EXOSC4: variants seen among roughly 807,000 people sequenced by gnomAD.
The protein encoded by EXOSC4 is exosome component 4.
EXOSC4 carries 14 observed loss-of-function variants against 20.0 expected under a neutral mutation model. That is an observed-to-expected ratio of 0.70 (90% CI 0.46 to 1.09). The LOEUF is 1.09. Among genes scored for constraint, EXOSC4 ranks in the 50% least tolerant of loss-of-function variants. The pLI is 0.00. For synonymous variants in EXOSC4, 148 were observed against 146.4 expected (o/e 1.01, Z -0.08); for missense variants, 337 against 334.0 (o/e 1.01, Z -0.07).
At chr8:144,067,473 T>C in the EXOSC4 span, among the ~76,000 whole-genome samples, 1 of 152,106 alleles carries the variant, frequency 6.6e-6, no homozygotes, top group Non-Finnish European at 1.5e-5. Context: ...AGTTGACATA[T>C]CATGGTAAAA....
chr8:144,065,831 T>TG, the EXOSC4 span, among the ~76,000 whole-genome samples: 1 of 149,688 alleles, frequency 6.7e-6, no homozygotes, highest in Non-Finnish European at 1.5e-5. Flanking sequence ...TTTTTTGAGA[T>TG]GGGGTCTCAC....
chr8:144,079,119 T>C (rs2129921964), intron 1 of EXOSC4: 2 of 451,636 alleles, frequency 4.4e-6, no homozygotes, highest in East Asian at 7.5e-5. Context: ...CCCTCCTTCC[T>C]CTTTGCGGCT....
upstream of EXOSC4, among the ~76,000 whole-genome samples, chr8:144,074,779 G>A (rs1221092826): frequency 6.6e-6 from 1 of 151,860 alleles, no homozygotes; most frequent in Non-Finnish European, 1.5e-5. Flanking sequence ...TCACTATGTT[G>A]CCCAGGCTGG....
chr8:144,078,826 C>T lies in EXOSC4; in HGVS notation c.98C>T (p.Ala33Val), dbSNP rs1554763077. 6.3e-7 allele frequency: 1 copy of T among 1,580,114 alleles called. No homozygotes were observed. Among genetic ancestry groups the T allele is most frequent in the African/African-American group, 1.4e-5 (1 of 72,084 alleles). The change falls in exon 1 of 3, where the codon GCG (alanine) becomes GTG (valine). Residue 33 changes from alanine (A) to valine (V), a missense_variant. Ala to Val is a moderately conservative substitution (Grantham distance 64, BLOSUM62 0). Coordinates refer to ENST00000316052, the MANE Select transcript of EXOSC4 (RefSeq NM_019037.3). This position sits in a 1 kb window ranked among gnomAD's most constrained non-coding sequence, Gnocchi z 4.7. ...RKIQARMGVF[A>V]QADGSAYIEQ... Reference sequence around the variant, plus strand: ...ATCCAGGCGCGGATGGGCGTGTTCGCGCAGGCTGACGGCTCGGCCTACATT... The same window carrying T: ...ATCCAGGCGCGGATGGGCGTGTTCGTGCAGGCTGACGGCTCGGCCTACATT...
At chr8:144,069,089 G>C in the EXOSC4 span, among the ~76,000 whole-genome samples, 21 of 152,246 alleles carry the variant, frequency 1.4e-4, no homozygotes, top group Non-Finnish European at 2.6e-4. Context: ...GAAACTGATA[G>C]CAGCAAATGA....
At chr8:144,074,136 G>A (rs143478206), upstream of EXOSC4, among the ~76,000 whole-genome samples, 115 of 152,290 alleles carry the variant, frequency 7.6e-4, no homozygotes, top group African/African-American at 2.3e-3. Flanking sequence ...GCCCCTTCCC[G>A]GCTTGGGCCC....
the EXOSC4 span, among the ~76,000 whole-genome samples, chr8:144,066,014 C>T: frequency 3.4e-5 from 5 of 145,338 alleles, no homozygotes; most frequent in African/African-American, 7.7e-5. Context: ...AACAGGGTCT[C>T]GCTATGTTTT....
the EXOSC4 span, among the ~76,000 whole-genome samples, chr8:144,072,447 C>G: frequency 1.3e-5 from 2 of 152,308 alleles, no homozygotes; most frequent in African/African-American, 4.8e-5. Context: ...TCCCAAAGTG[C>G]TTGGATTACA....
At chr8:144,066,856 G>A in the EXOSC4 span, among the ~76,000 whole-genome samples, 2 of 152,062 alleles carry the variant, frequency 1.3e-5, no homozygotes, top group African/African-American at 4.8e-5. Flanking sequence ...GGGAAGCCGA[G>A]GCGGGCGGAT....
the EXOSC4 span, among the ~76,000 whole-genome samples, chr8:144,070,264 A>G: frequency 4.9e-3 from 740 of 152,220 alleles, 6 homozygotes; most frequent in African/African-American, 0.017. Flanking sequence ...CGTGGCTCAC[A>G]CCTGGAATCT....
the EXOSC4 span, among the ~76,000 whole-genome samples, chr8:144,072,411 C>T: frequency 1.3e-5 from 2 of 152,064 alleles, no homozygotes; most frequent in South Asian, 4.1e-4. Flanking sequence ...GAATGCCTGA[C>T]CTCAAATGAT....
In EXOSC4 at chr8:144,079,944, T is replaced by C. The variant is rs782208338; in HGVS notation, c.173T>C (p.Ile58Thr). The C allele has an allele frequency of 1.2e-6, 2 of 1,613,956 alleles. No homozygotes were observed. Among genetic ancestry groups the C allele is most frequent in the South Asian group, 2.2e-5 (2 of 91,080 alleles). Residue 58 changes from isoleucine (I) to threonine (T), a missense_variant and splice_region_variant, in exon 2 of 3, where the codon ATC (isoleucine) becomes ACC (threonine). Ile to Thr is a moderately conservative substitution (Grantham distance 89). Coordinates refer to ENST00000316052, the MANE Select transcript of EXOSC4 (RefSeq NM_019037.3). ...GCTCATGTGTCTGTCCTCTTCCAGA[T>C]CCGGGGCTCCCGGGCTCGAGCCCTG... ...ALAVVYGPHE[I>T]RGSRARALPD... is the part of the protein sequence containing the mutation.
At chr8:144,079,135 A>G (rs1246713807) in intron 1 of EXOSC4, 11 of 426,990 alleles carry the variant, frequency 2.6e-5, no homozygotes, top group Non-Finnish European at 4.1e-5. Flanking sequence ...CGGCTCTTCA[A>G]CGTGCTAGGC....
At chr8:144,075,229 A>ATTTTTT (rs782139585), upstream of EXOSC4, among the ~76,000 whole-genome samples, 97 of 132,084 alleles carry the variant, frequency 7.3e-4, 4 homozygotes, top group African/African-American at 2.6e-3. Flanking sequence ...TGTCCAGTTA[A>ATTTTTT]TTTTTTTTTT....
the EXOSC4 span, among the ~76,000 whole-genome samples, chr8:144,071,421 G>A: frequency 6.7e-6 from 1 of 149,780 alleles, no homozygotes; most frequent in Non-Finnish European, 1.5e-5. Flanking sequence ...AAGTAGCTGG[G>A]ATTATAGGCA....
At chr8:144,064,410 TG>T in the EXOSC4 span, among the ~76,000 whole-genome samples, 1 of 152,130 alleles carries the variant, frequency 6.6e-6, no homozygotes, top group Non-Finnish European at 1.5e-5. Context: ...GAAGGGTGGG[TG>T]CGTGGCTGCC....
At chr8:144,068,713 TC>T in the EXOSC4 span, among the ~76,000 whole-genome samples, 1 of 152,138 alleles carries the variant, frequency 6.6e-6, no homozygotes, top group Non-Finnish European at 1.5e-5. Flanking sequence ...TCAGCCTGCT[TC>T]CCCCGGTCCC....
upstream of EXOSC4, among the ~76,000 whole-genome samples, chr8:144,075,249 C>CA (rs1477759573): frequency 2.1e-5 from 3 of 140,844 alleles, no homozygotes; most frequent in Non-Finnish European, 4.4e-5. Flanking sequence ...TTTTTTGAGA[C>CA]AGAGTCTCGC....
chr8:144,075,997 G>A (rs1835832787), upstream of EXOSC4, among the ~76,000 whole-genome samples: 1 of 152,162 alleles, frequency 6.6e-6, no homozygotes, highest in African/African-American at 2.4e-5. Flanking sequence ...TGGGAACTTG[G>A]GTTTTTCATG....
Sources: allele counts gnomAD v4.1 joint callset (sites outside exome capture counted in the v4.1 genomes callset), GRCh38; gene constraint gnomAD v4.1.1; non-coding constraint Gnocchi (gnomAD v3.1); transcripts MANE v1.5; gene names NCBI Gene and HGNC (gene_info 2026-07-23, HGNC 2026-07-21).